Variants in RTL4 observed in about 807,000 individuals in gnomAD.
The protein encoded by RTL4 is retrotransposon Gag like 4, also known as retrotransposon Gag-like protein 4.
Under a neutral mutation model 5.3 loss-of-function variants are expected in RTL4, and 4 were observed. The ratio of observed to expected loss-of-function variants is 0.75; its 90% CI spans 0.37 to 1.72. The LOEUF is 1.72. Ranked by LOEUF, RTL4 falls within the 40% of genes most tolerant of loss-of-function variation. The pLI, the probability that RTL4 is intolerant of heterozygous loss-of-function variation, is 0.04. For missense variants in RTL4, 260 were observed against 227.1 expected (o/e 1.14, Z -0.93); for synonymous variants, 98 against 87.3 (o/e 1.12, Z -0.68).
the RTL4 span, among the ~76,000 whole-genome samples, chrX:112,191,226 T>C: frequency 8.9e-6 from 1 of 112,051 alleles, no homozygotes; most frequent in East Asian, 2.8e-4. Context: ...TCTTGAATGG[T>C]TGTATGTGTC....
At chrX:112,190,168 C>CTTTCTTTCTTTCTTTCTTTCTT in the RTL4 span, among the ~76,000 whole-genome samples, 1 of 90,475 alleles carries the variant, frequency 1.1e-5, no homozygotes, top group African/African-American at 4.2e-5. Flanking sequence ...TTCTTTCTTT[C>CTTTCTTTCTTTCTTTCTTTCTT]TTTCTTTCTT....
the RTL4 span, among the ~76,000 whole-genome samples, chrX:112,353,704 G>A: frequency 3.6e-5 from 4 of 109,982 alleles, no homozygotes; most frequent in South Asian, 1.6e-3. Flanking sequence ...GAGTGGGGAG[G>A]GATAGCATTA....
the RTL4 span, among the ~76,000 whole-genome samples, chrX:112,160,832 G>A: frequency 1.8e-5 from 2 of 110,518 alleles, no homozygotes; most frequent in South Asian, 3.9e-4. Context: ...TTGAAGGAGA[G>A]CTCTGAGAGT....
At chrX:112,362,132 C>T in the RTL4 span, among the ~76,000 whole-genome samples, 5 of 112,142 alleles carry the variant, frequency 4.5e-5, no homozygotes, top group Non-Finnish European at 7.5e-5. Context: ...AACGATATCT[C>T]GGCTAATACT....
At chrX:112,317,350 A>G in the RTL4 span, among the ~76,000 whole-genome samples, 4 of 111,940 alleles carry the variant, frequency 3.6e-5, no homozygotes, top group African/African-American at 9.7e-5. Context: ...CTTCATTAAT[A>G]CTACTCTTTT....
chrX:112,091,253 T>G, the RTL4 span, among the ~76,000 whole-genome samples: 14 of 111,809 alleles, frequency 1.3e-4, no homozygotes, highest in Admixed American at 3.8e-4. Flanking sequence ...TTTATTTATC[T>G]CTTGTCTCAT....
At chrX:112,309,312 T>G in the RTL4 span, among the ~76,000 whole-genome samples, 1 of 110,627 alleles carries the variant, frequency 9.0e-6, no homozygotes, top group Non-Finnish European at 1.9e-5. Flanking sequence ...GTGTCTCTTC[T>G]AAGGGCACTA....
At chrX:112,184,685 T>C in the RTL4 span, among the ~76,000 whole-genome samples, 2 of 112,131 alleles carry the variant, frequency 1.8e-5, no homozygotes, top group East Asian at 5.6e-4. Context: ...TGGAGACTTT[T>C]GGAATGAAGA....
chrX:112,246,501 C>T, the RTL4 span, among the ~76,000 whole-genome samples: 1 of 112,221 alleles, frequency 8.9e-6, no homozygotes, highest in Non-Finnish European at 1.9e-5. Context: ...GAGTAAGGCT[C>T]TGTGGGTGTG....
At chrX:112,129,085 G>C in the RTL4 span, among the ~76,000 whole-genome samples, 2 of 111,641 alleles carry the variant, frequency 1.8e-5, no homozygotes, top group Admixed American at 1.9e-4. Flanking sequence ...GAAATAAAAA[G>C]ATATTCAACA....
the RTL4 span, among the ~76,000 whole-genome samples, chrX:112,173,478 A>C: frequency 2.7e-5 from 3 of 111,439 alleles, no homozygotes; most frequent in Non-Finnish European, 5.6e-5. Flanking sequence ...TTTTCTCATT[A>C]CTAAAATGGG....
At chrX:112,117,271 G>A in the RTL4 span, among the ~76,000 whole-genome samples, 4 of 106,896 alleles carry the variant, frequency 3.7e-5, no homozygotes, top group African/African-American at 6.9e-5. Context: ...CCATATAATC[G>A]TTATATGGTA....
At chrX:112,089,217 C>T in the RTL4 span, among the ~76,000 whole-genome samples, 2 of 110,541 alleles carry the variant, frequency 1.8e-5, no homozygotes, top group East Asian at 2.8e-4. Context: ...CCCATTAACT[C>T]GTAATTTAGC....
the RTL4 span, among the ~76,000 whole-genome samples, chrX:112,242,358 C>A: frequency 2.2e-4 from 24 of 111,341 alleles, no homozygotes; most frequent in African/African-American, 6.5e-4. Context: ...CGTTTGTGTC[C>A]TCTTTTATTT....
At chrX:112,273,512 A>T in the RTL4 span, among the ~76,000 whole-genome samples, 1 of 111,599 alleles carries the variant, frequency 9.0e-6, no homozygotes, top group Admixed American at 9.5e-5. Flanking sequence ...TCGGCCTCCC[A>T]AAGTGCTGGG....
At chrX:112,184,969 T>C in the RTL4 span, among the ~76,000 whole-genome samples, 2 of 111,635 alleles carry the variant, frequency 1.8e-5, no homozygotes, top group East Asian at 5.6e-4. Flanking sequence ...TCTGAAAACC[T>C]GGACAGCCCC....
chrX:112,327,971 C>T, the RTL4 span, among the ~76,000 whole-genome samples: 1 of 106,985 alleles, frequency 9.3e-6, no homozygotes, highest in Admixed American at 1.0e-4. Flanking sequence ...GATTTTGTCA[C>T]CACCAGGCCT....
the RTL4 span, among the ~76,000 whole-genome samples, chrX:112,083,964 G>A: frequency 9.0e-6 from 1 of 110,669 alleles, no homozygotes; most frequent in Non-Finnish European, 1.9e-5. Context: ...CAGGAAAGGG[G>A]CATGTGAGTC....
chrX:112,200,136 A>T, the RTL4 span, among the ~76,000 whole-genome samples: 4 of 112,152 alleles, frequency 3.6e-5, no homozygotes, highest in African/African-American at 1.3e-4. Context: ...GATCCCCCAG[A>T]TAGTTAGTAG....
Sources: allele counts gnomAD v4.1 joint callset (sites outside exome capture counted in the v4.1 genomes callset), GRCh38; gene constraint gnomAD v4.1.1; transcripts MANE v1.5; gene names NCBI Gene and HGNC (gene_info 2026-07-23, HGNC 2026-07-21).